Variants in PTPRD observed in about 807,000 individuals in gnomAD.
PTPRD encodes protein tyrosine phosphatase receptor type D.
PTPRD carries 34 observed loss-of-function variants against 214.5 expected under a neutral mutation model. The ratio of observed to expected loss-of-function variants is 0.16; its 90% CI spans 0.12 to 0.21. The LOEUF (loss-of-function observed/expected upper bound fraction) is 0.21. PTPRD is among the 10% of genes least tolerant of loss of function. The probability of loss-of-function intolerance (pLI) is 1.00; values close to 1 mark genes in which losing one functional copy is unlikely to be tolerated. For synonymous variants in PTPRD, 1,128 were observed against 845.7 expected, an observed-to-expected ratio of 1.33 and a Z score of -5.79; for missense variants, 2,545 against 2,398.7, an observed-to-expected ratio of 1.06 and a Z score of -1.27.
At chr9:9,856,990 CCT>C (rs2061676797) in intron 5 of PTPRD, among the ~76,000 whole-genome samples, 1 of 152,056 alleles carries the variant, frequency 6.6e-6, no homozygotes, top group South Asian at 2.1e-4. Flanking sequence ...TATTATTTTT[CCT>C]CTTTTTGACC....
chr9:10,066,989 CAGA>C (rs1163708725), intron 3 of PTPRD, among the ~76,000 whole-genome samples: 1 of 151,170 alleles, frequency 6.6e-6, no homozygotes, highest in African/African-American at 2.4e-5. Context: ...GGCTAGGTTT[CAGA>C]AGATGTTCTC....
Position 8,317,180 on chromosome 9 carries a change from T to G in PTPRD, c.*694A>C, listed in dbSNP as rs910364495. On this transcript the variant is annotated 3_prime_UTR_variant, in exon 46 of 46. Transcript: ENST00000381196. Reference sequence around the variant, plus strand: ...AAAATGTGCAAATTTTCAAATGATTTGATATTTCTACAGCAAGATATTACA... The same window carrying G: ...AAAATGTGCAAATTTTCAAATGATTGGATATTTCTACAGCAAGATATTACA... 4.3e-6 allele frequency: 1 copy of G among 232,074 alleles called. No homozygotes were observed. 14.4% of individuals were successfully genotyped at this position (232,074 alleles called of 1,614,324 possible).
intron 10 of PTPRD, among the ~76,000 whole-genome samples, chr9:9,180,110 G>A (rs2099927313): frequency 6.6e-6 from 1 of 151,710 alleles, no homozygotes; most frequent in Non-Finnish European, 1.5e-5. Flanking sequence ...TATACCCAAA[G>A]GATTAAAAAT....
At chr9:9,369,632 A>G (rs1407567850) in intron 9 of PTPRD, among the ~76,000 whole-genome samples, 7 of 151,972 alleles carry the variant, frequency 4.6e-5, no homozygotes, top group Non-Finnish European at 1.0e-4. Context: ...CCATTTGTCA[A>G]TTTTGGCTTT....
intron 9 of PTPRD, among the ~76,000 whole-genome samples, chr9:9,203,907 A>T (rs1215093187): frequency 6.6e-6 from 1 of 152,198 alleles, no homozygotes; most frequent in Non-Finnish European, 1.5e-5. Context: ...TGGAGAAAGA[A>T]AATCAAGCCA....
chr9:9,580,197 A>G (rs1435729847), intron 7 of PTPRD, among the ~76,000 whole-genome samples: 6 of 152,154 alleles, frequency 3.9e-5, no homozygotes, highest in South Asian at 2.1e-4. Flanking sequence ...TTTTGGTACA[A>G]TGATTTCTTT....
chr9:9,864,489 T>G (rs1030905858), intron 5 of PTPRD, among the ~76,000 whole-genome samples: 1 of 152,100 alleles, frequency 6.6e-6, no homozygotes, highest in Non-Finnish European at 1.5e-5. Context: ...ATACAGTTTC[T>G]GTTTCGGATT....
intron 10 of PTPRD, among the ~76,000 whole-genome samples, chr9:9,061,939 GA>G (rs1296703764): frequency 1.3e-5 from 2 of 151,906 alleles, no homozygotes; most frequent in East Asian, 3.9e-4. Context: ...TGCTCTGGGG[GA>G]TAATGGCCAC....
At chr9:9,231,867 G>C (rs1230300620) in intron 9 of PTPRD, among the ~76,000 whole-genome samples, 4 of 151,958 alleles carry the variant, frequency 2.6e-5, no homozygotes, top group African/African-American at 9.7e-5. Flanking sequence ...TTTCCCTAAT[G>C]TTAAATACTT....
chr9:8,353,515 C>A (rs1398585946), intron 39 of PTPRD, among the ~76,000 whole-genome samples: 1 of 150,996 alleles, frequency 6.6e-6, no homozygotes. Flanking sequence ...TCATCGTAAA[C>A]TCCGTTTCCT....
At chr9:9,359,813 G>C (rs540526432) in intron 9 of PTPRD, among the ~76,000 whole-genome samples, 6 of 151,294 alleles carry the variant, frequency 4.0e-5, no homozygotes, top group African/African-American at 1.2e-4. Flanking sequence ...GCAGGTGTAC[G>C]GAGTGCCTGC....
intron 3 of PTPRD, among the ~76,000 whole-genome samples, chr9:10,285,479 A>T (rs922592026): frequency 6.6e-6 from 1 of 152,182 alleles, no homozygotes; most frequent in Non-Finnish European, 1.5e-5. Flanking sequence ...ATTCTTATAG[A>T]AACATTACAT....
intron 9 of PTPRD, among the ~76,000 whole-genome samples, chr9:9,312,347 G>A (rs1010656225): frequency 6.6e-6 from 1 of 152,244 alleles, no homozygotes; most frequent in South Asian, 2.1e-4. Context: ...TATTACAGGG[G>A]ATTTTAAAAG....
In PTPRD at chr9:10,540,215, A is replaced by T. The variant is rs145300912; in HGVS notation, c.-600+72183T>A. Among the ~76,000 whole-genome samples the T allele has an allele frequency of 2.5e-3, 388 of 152,172 alleles. 2 individuals are homozygous for T. The highest frequency in any genetic ancestry group is 9.0e-3 in the African/African-American group (373 of 41,518). ...CGGCTAATTTGTGTATTTTTGAGAG[A>T]CAGGGTTTCACCATGCTGGCCAGAC... On this transcript the variant is annotated intron_variant, in intron 2 of 45. Transcript: ENST00000381196.
At chr9:9,392,761 T>C (rs1189624362) in intron 9 of PTPRD, among the ~76,000 whole-genome samples, 1 of 152,206 alleles carries the variant, frequency 6.6e-6, no homozygotes, top group African/African-American at 2.4e-5. Flanking sequence ...CCAGGTCAAA[T>C]TTGTCTATGA....
At chr9:8,732,915 T>G (rs1156606890) in intron 12 of PTPRD, among the ~76,000 whole-genome samples, 2 of 152,160 alleles carry the variant, frequency 1.3e-5, no homozygotes, top group Non-Finnish European at 2.9e-5. Flanking sequence ...GTCACACATT[T>G]TACTCATACT....
At chr9:8,688,799 A>G (rs765076440) in intron 12 of PTPRD, among the ~76,000 whole-genome samples, 1 of 152,184 alleles carries the variant, frequency 6.6e-6, no homozygotes, top group Admixed American at 6.5e-5. Context: ...AAAAATATAC[A>G]TCAAACTACA....
At chr9:8,693,321 G>C (rs940683669) in intron 12 of PTPRD, among the ~76,000 whole-genome samples, 1 of 152,108 alleles carries the variant, frequency 6.6e-6, no homozygotes, top group Non-Finnish European at 1.5e-5. Context: ...TCCCACACGG[G>C]ATCATTCACT....
At chr9:9,609,972 T>C (rs547292894) in intron 7 of PTPRD, among the ~76,000 whole-genome samples, 1 of 152,312 alleles carries the variant, frequency 6.6e-6, no homozygotes, top group South Asian at 2.1e-4. Context: ...GGCGGCCCCT[T>C]CTACTCATGG....
Sources: allele counts gnomAD v4.1 joint callset (sites outside exome capture counted in the v4.1 genomes callset), GRCh38; gene constraint gnomAD v4.1.1; transcripts MANE v1.5; gene names NCBI Gene and HGNC (gene_info 2026-07-23, HGNC 2026-07-21).